The following PRKRA variants were observed in gnomAD, a reference collection of about 807,000 sequenced individuals.
PRKRA encodes the protein protein activator of interferon induced protein kinase EIF2AK2, also known as interferon-inducible double-stranded RNA-dependent protein kinase activator A.
PRKRA carries 22 observed loss-of-function variants against 32.4 expected under a neutral mutation model. That is an observed-to-expected ratio of 0.68 (90% CI 0.49 to 0.97). PRKRA has a LOEUF of 0.97. Among genes scored for constraint, PRKRA ranks in the 50% least tolerant of loss-of-function variants. The pLI is 0.00. For missense variants in PRKRA, 319 were observed against 375.6 expected (o/e 0.85, Z 1.25); for synonymous variants, 139 against 129.8 (o/e 1.07, Z -0.48).
At chr2:178,439,020 T>C (rs1697016944) in intron 6 of PRKRA, 1 of 152,208 alleles carries the variant, frequency 6.6e-6, no homozygotes, top group Admixed American at 6.5e-5. Flanking sequence ...ACATTACATT[T>C]AAATATATTT....
At chr2:178,436,789 A>T (rs1696915961) in intron 6 of PRKRA, among the ~76,000 whole-genome samples, 2 of 152,206 alleles carry the variant, frequency 1.3e-5, no homozygotes, top group Admixed American at 6.5e-5. Context: ...AAAACTAAAA[A>T]AAACATGAAA....
rs1443055609 is a variant in PRKRA at position 178,441,598 on chromosome 2, A to T, written c.609+12T>A. The T allele has an allele frequency of 1.4e-6, 1 of 731,834 alleles. No individual in the cohort carries two copies. 45.3% of individuals were successfully genotyped at this position (731,834 alleles called of 1,614,324 possible). A position where few individuals can be genotyped will look rare whatever the true frequency, so the allele number is the denominator to read the frequency against. ...TAATGACATTAACATCATAGCTGTC[A>T]ACATTACTCACTAAAGAAATGTGGT... On this transcript the variant is annotated intron_variant, in intron 6 of 7. Transcript: ENST00000325748.
At chr2:178,435,904 ACT>A (rs1291218727) in intron 7 of PRKRA, among the ~76,000 whole-genome samples, 1 of 151,596 alleles carries the variant, frequency 6.6e-6, no homozygotes, top group African/African-American at 2.4e-5. Flanking sequence ...ACACAGTAAA[ACT>A]CTATCTTTGC....
intron 7 of PRKRA, 112 bp from the exon 8 acceptor site, chr2:178,432,366 A>G: frequency 1.7e-6 from 2 of 1,210,422 alleles, no homozygotes; most frequent in South Asian, 2.6e-5. Flanking sequence ...CCTCCATGGT[A>G]TACTACACCA....
At chr2:178,436,801 G>C (rs1696916442) in intron 6 of PRKRA, among the ~76,000 whole-genome samples, 1 of 151,942 alleles carries the variant, frequency 6.6e-6, no homozygotes, top group African/African-American at 2.4e-5. Flanking sequence ...AACATGAAAT[G>C]TGCGCGTTGG....
intron 4 of PRKRA, 145 bp downstream of exon 4, chr2:178,444,277 T>G (rs1306504358): frequency 2.8e-6 from 2 of 702,080 alleles, no homozygotes; most frequent in Admixed American, 5.3e-5. Flanking sequence ...AATTTCAAGT[T>G]AGCTCTGTTA....
chr2:178,447,717 G>GT, intron 2 of PRKRA, 131 bp from the exon 3 acceptor site: 1 of 777,868 alleles, frequency 1.3e-6, no homozygotes. Context: ...AAATATGTAC[G>GT]TTATATACTG....
intron 3 of PRKRA, chr2:178,445,505 C>T (rs1224357088): frequency 1.3e-5 from 2 of 154,514 alleles, no homozygotes; most frequent in African/African-American, 2.4e-5. Context: ...CCACTTTAGG[C>T]CTGATTACAG....
intron 3 of PRKRA, among the ~76,000 whole-genome samples, chr2:178,446,959 C>T (rs1483403742): frequency 2.2e-5 from 3 of 137,760 alleles, no homozygotes; most frequent in African/African-American, 8.3e-5. Flanking sequence ...CGCCACTGCA[C>T]TCCAGACTGG....
At position 178,447,566 on chromosome 2, in the gene PRKRA, G is replaced by C. The variant is rs1311237497; in HGVS notation, c.256C>G (p.Leu86Val). Residue 86 changes from leucine to valine, a missense_variant, in exon 3 of 8, where the codon CTG becomes GTG. Leu to Val is a conservative substitution (Grantham distance 32). Coordinates refer to ENST00000325748, the MANE Select transcript of PRKRA (RefSeq NM_003690.5). ...TCTGEGTSKK[L>V]AKHRAAEAAI... is the part of the protein sequence containing the mutation. ...GCCTCTGCAGCTCTATGTTTCGCCA[G>C]CTTCTTACTTGTACCTTCACCTGAA... 6 of 1,614,110 alleles carry C rather than the reference G, an allele frequency of 3.7e-6. No individual in the cohort carries two copies. Among genetic ancestry groups the C allele is most frequent in the Non-Finnish European group, 5.1e-6 (6 of 1,180,002 alleles).
chr2:178,444,686 CT>C (rs752897535), intron 3 of PRKRA, among the ~76,000 whole-genome samples, 186 bp from the exon 4 acceptor site: 11 of 152,176 alleles, frequency 7.2e-5, no homozygotes, highest in Non-Finnish European at 1.5e-4. Flanking sequence ...TCAAATGTCA[CT>C]TCCTCCAAGA....
chr2:178,451,000 G>A lies in PRKRA; in HGVS notation c.31C>T (p.Pro11Ser). ...CCACTGTCCTCGCGCTCCAGCGGCG[G>A]GGCCTCGGCGCGGTGCCTGCTCTGG... MSQSRHRAEAPPLEREDSGTF... is the reference protein window; with the variant it reads MSQSRHRAEASPLEREDSGTF... The change falls in exon 1 of 8, where the codon CCG becomes TCG. Residue 11 changes from proline to serine, a missense_variant. By Grantham distance (74) the Pro-to-Ser change is moderately conservative. Transcript: ENST00000325748. The A allele has an allele frequency of 2.6e-6, 4 of 1,562,972 alleles. No homozygotes were observed. The highest frequency in any genetic ancestry group is 2.3e-5 in the South Asian group (2 of 85,864).
chr2:178,442,053 T>C (rs1009168165), intron 5 of PRKRA, among the ~76,000 whole-genome samples: 1 of 152,004 alleles, frequency 6.6e-6, no homozygotes, highest in Non-Finnish European at 1.5e-5. Context: ...ACCTGGCTGA[T>C]TTTTTGTATT....
chr2:178,441,758 G>C, intron 5 of PRKRA, 54 bp from the exon 6 acceptor site: 1 of 1,403,692 alleles, frequency 7.1e-7, no homozygotes, highest in South Asian at 1.2e-5. Flanking sequence ...TGTCCACAGA[G>C]GATGATCAAA....
At chr2:178,446,635 A>G (rs1228043961) in intron 3 of PRKRA, among the ~76,000 whole-genome samples, 1 of 152,186 alleles carries the variant, frequency 6.6e-6, no homozygotes, top group Admixed American at 6.5e-5. Context: ...AAGAACTTGA[A>G]AGCATGCCAA....
At chr2:178,435,752 A>G (rs1696865449) in intron 7 of PRKRA, among the ~76,000 whole-genome samples, 1 of 152,186 alleles carries the variant, frequency 6.6e-6, no homozygotes. Context: ...ACCGCTGACT[A>G]GCTATGTGAT....
In PRKRA at chr2:178,443,404, C is replaced by A. The variant is rs1364611348; in HGVS notation, c.397-20G>T. On this transcript the variant is annotated intron_variant, in intron 4 of 7. Coordinates refer to ENST00000325748, the MANE Select transcript of PRKRA (RefSeq NM_003690.5). The stretch of plus-strand genomic sequence containing the variant: ...CAATTCCTATAAAATCAAGATGAGG[C>A]TTTAATAGTAATTTTATGCAATGGC... The A allele has an allele frequency of 2.8e-6, 2 of 706,934 alleles. No homozygotes were observed. Among genetic ancestry groups the A allele is most frequent in the South Asian group, 3.8e-5 (2 of 52,720 alleles). The allele number at this position is 706,934 out of a possible 1,614,324, so 43.8% of individuals were successfully genotyped here. A position where few individuals can be genotyped will look rare whatever the true frequency, so the allele number is the denominator to read the frequency against.
intron 3 of PRKRA, 47 bp downstream of exon 3, chr2:178,447,458 C>T (rs1167409258): frequency 7.7e-7 from 1 of 1,306,390 alleles, no homozygotes; most frequent in Non-Finnish European, 1.0e-6. Flanking sequence ...AATCTTACCT[C>T]AGCCATGATA....
chr2:178,447,513 T>G lies in PRKRA; in HGVS notation c.309A>C (p.Ala103=), dbSNP rs1262093819. The G allele has an allele frequency of 4.3e-6, 7 of 1,614,046 alleles. No homozygotes were observed. The Admixed American group carries it at 1.2e-4, about 27-fold the overall frequency. Residue 103 remains alanine, a synonymous_variant, in exon 3 of 8, where the codon GCA becomes GCC. Transcript: ENST00000325748. Reference sequence around the variant, plus strand: ...AAAGAAATTTAGCTCACCAAATACTTGCATTGGCTTTCAAAATGTTTATGG... The same window carrying G: ...AAAGAAATTTAGCTCACCAAATACTGGCATTGGCTTTCAAAATGTTTATGG... The part of the protein sequence containing the change: ...EAAINILKAN[A]SICFAVPDPL...
Sources: gnomAD v4.1 joint callset for allele counts (sites outside exome capture counted in the v4.1 genomes callset) on GRCh38, gnomAD v4.1.1 for gene constraint, MANE v1.5 for transcripts, NCBI Gene and HGNC (gene_info 2026-07-23, HGNC 2026-07-21) for gene names.